SPART: variants seen among roughly 807,000 people sequenced by gnomAD.
The protein encoded by SPART is spastic paraplegia 20 (Troyer syndrome).
SPART carries 35 observed loss-of-function variants against 58.7 expected under a neutral mutation model. That is an observed-to-expected ratio of 0.60 (90% confidence interval 0.46 to 0.79). The LOEUF (loss-of-function observed/expected upper bound fraction) is 0.79, where lower values mean the gene tolerates loss of function less well. SPART is among the 30% of genes least tolerant of loss of function. The probability of loss-of-function intolerance (pLI) is 0.00; values close to 1 mark genes in which losing one functional copy is unlikely to be tolerated. For synonymous variants in SPART, 284 were observed against 280.7 expected (o/e 1.01, Z -0.12); for missense variants, 730 against 786.1 (o/e 0.93, Z 0.85).
chr13:36,321,922 T>C (rs547927407), intron 5 of SPART, among the ~76,000 whole-genome samples: 1 of 152,184 alleles, frequency 6.6e-6, no homozygotes, highest in African/African-American at 2.4e-5. Context: ...AGTGATGACA[T>C]TACCTTGTGA....
At chr13:36,361,450 G>T (rs1351342128) in intron 1 of SPART, among the ~76,000 whole-genome samples, 1 of 152,072 alleles carries the variant, frequency 6.6e-6, no homozygotes, top group Non-Finnish European at 1.5e-5. Context: ...TGTTGCCCAG[G>T]CTGGAGTGCA....
chr13:36,353,983 GCTTT>G (rs905321385), intron 1 of SPART, among the ~76,000 whole-genome samples: 2 of 152,146 alleles, frequency 1.3e-5, no homozygotes, highest in African/African-American at 4.8e-5. Flanking sequence ...GTCAAAGGAT[GCTTT>G]CTTTCTTTCT....
chr13:36,333,427 G>GTT (rs1555262844), intron 2 of SPART, among the ~76,000 whole-genome samples: 2 of 45,542 alleles, frequency 4.4e-5, no homozygotes, highest in African/African-American at 2.1e-4. Flanking sequence ...GATTATTATT[G>GTT]TATTTTTTTT....
At chr13:36,368,175 AC>A (rs1234377109) in intron 1 of SPART, 9 of 460,606 alleles carry the variant, frequency 2.0e-5, no homozygotes, top group South Asian at 1.1e-4. Context: ...TCTTTCATTT[AC>A]TCATTCCTTT....
intron 8 of SPART, among the ~76,000 whole-genome samples, chr13:36,305,494 G>A (rs1216999742): frequency 6.6e-6 from 1 of 152,040 alleles, no homozygotes; most frequent in Non-Finnish European, 1.5e-5. Context: ...TAAACATTGA[G>A]AATAGTACCT....
intron 8 of SPART, chr13:36,308,379 A>C (rs975771683): frequency 6.6e-6 from 1 of 152,188 alleles, no homozygotes; most frequent in Non-Finnish European, 1.5e-5. Context: ...TCATCCTCAT[A>C]GTTAGAAATA....
intron 1 of SPART, among the ~76,000 whole-genome samples, chr13:36,357,497 C>T (rs1359782699): frequency 6.6e-6 from 1 of 152,180 alleles, no homozygotes; most frequent in African/African-American, 2.4e-5. Flanking sequence ...AGAGGAATGT[C>T]CTACGCTGTG....
Position 36,335,784 on chromosome 13 carries a change from A to G in SPART, c.47T>C (p.Ile16Thr), listed in dbSNP as rs982542560. 3.1e-6 allele frequency: 5 copies of G among 1,613,672 alleles called. No homozygotes were observed. Among genetic ancestry groups the G allele is most frequent in the Non-Finnish European group, 4.2e-6 (5 of 1,179,968 alleles). Residue 16 changes from isoleucine to threonine, a missense_variant, in exon 2 of 9, where the codon ATC becomes ACC. Transcript: ENST00000438666. ...QNGEPAEIKI[I>T]REAYKKAFLF... is the part of the protein sequence containing the mutation. ...AAAGGCCTTCTTATATGCTTCTCTG[A>G]TGATCTTAATTTCAGCAGGTTCTCC...
At chr13:36,312,258 G>A (rs765674587) in intron 7 of SPART, 23 bp from the exon 8 acceptor site, 11 of 1,613,468 alleles carry the variant, frequency 6.8e-6, no homozygotes, top group African/African-American at 5.3e-5. Flanking sequence ...TATTTAAAAC[G>A]ATGTAAATCT....
chr13:36,345,167 C>A (rs1884959434), intron 1 of SPART, among the ~76,000 whole-genome samples: 1 of 152,130 alleles, frequency 6.6e-6, no homozygotes, highest in South Asian at 2.1e-4. Flanking sequence ...GCGGAGGGGG[C>A]TTTGTCTAAC....
intron 1 of SPART, among the ~76,000 whole-genome samples, chr13:36,338,794 T>C (rs1422987645): frequency 1.3e-5 from 2 of 152,054 alleles, no homozygotes. Flanking sequence ...AGAAAGGAGA[T>C]TGGAAGTTAT....
intron 1 of SPART, among the ~76,000 whole-genome samples, chr13:36,355,534 A>C (rs1253678145): frequency 6.6e-6 from 1 of 152,238 alleles, no homozygotes; most frequent in Non-Finnish European, 1.5e-5. Flanking sequence ...GGAACAGCAC[A>C]GAAAATGACA....
At chr13:36,365,150 C>T (rs998224251) in intron 1 of SPART, among the ~76,000 whole-genome samples, 3 of 152,156 alleles carry the variant, frequency 2.0e-5, no homozygotes, top group African/African-American at 7.2e-5. Flanking sequence ...CTCCTCCCAT[C>T]TCCTCTACAC....
chr13:36,338,413 G>A (rs1261020702), intron 1 of SPART, among the ~76,000 whole-genome samples: 1 of 152,122 alleles, frequency 6.6e-6, no homozygotes, highest in African/African-American at 2.4e-5. Context: ...AATCAGAGAC[G>A]CAGCTGCACT....
At chr13:36,317,760 A>C (rs2137373492) in intron 5 of SPART, among the ~76,000 whole-genome samples, 1 of 152,170 alleles carries the variant, frequency 6.6e-6, no homozygotes, top group East Asian at 1.9e-4. Context: ...CAAAAACTTA[A>C]AACCTCTTCA....
intron 5 of SPART, among the ~76,000 whole-genome samples, chr13:36,318,789 T>C (rs1368064254): frequency 6.6e-6 from 1 of 152,198 alleles, no homozygotes; most frequent in Non-Finnish European, 1.5e-5. Context: ...CCGTCCCATC[T>C]GTGTGGGACC....
Position 36,335,349 on chromosome 13 carries a change from A to G in SPART, c.482T>C (p.Leu161Ser), listed in dbSNP as rs372503917. ...GAVAAPASLSLPSQSCPAEAP... is the reference protein window; with the variant it reads ...GAVAAPASLSSPSQSCPAEAP... The stretch of plus-strand genomic sequence containing the variant: ...TTCTGCTGGACAACTTTGTGATGGT[A>G]AAGACAGAGAAGCAGGTGCAGCAAC... The change falls in exon 2 of 9, where the codon TTA becomes TCA. Residue 161 changes from leucine (L) to serine (S), a missense_variant. Physicochemically the swap from Leu to Ser is moderately radical, Grantham distance 145 (BLOSUM62 -2). Transcript: ENST00000438666. The G allele has an allele frequency of 1.9e-6, 3 of 1,613,954 alleles. No individual in the cohort carries two copies. Among genetic ancestry groups the G allele is most frequent in the African/African-American group, 2.7e-5 (2 of 74,914 alleles).
In SPART at chr13:36,367,098, G is replaced by T. The variant is rs778078671; in HGVS notation, c.-3+2991C>A. ...GTTAGTGTGGCATCTCCACAGCAGG[G>T]AGCGTTGTAGGAAAAGGTGTCCTTG... is the stretch of plus-strand genomic sequence containing the variant. On this transcript the variant is annotated intron_variant, in intron 1 of 8. Transcript: ENST00000355182. Among the ~76,000 whole-genome samples, 4 of 152,168 alleles carry T rather than the reference G, an allele frequency of 2.6e-5. No individual in the cohort carries two copies. In the South Asian group the frequency reaches 8.3e-4, roughly 32 times the overall value.
At chr13:36,347,842 A>C (rs1246548541), upstream of SPART, among the ~76,000 whole-genome samples, 4 of 152,202 alleles carry the variant, frequency 2.6e-5, no homozygotes, top group South Asian at 6.2e-4. Flanking sequence ...AGCCAGTGGA[A>C]TCTAAATACC....
Sources: gnomAD v4.1 joint callset for allele counts (sites outside exome capture counted in the v4.1 genomes callset) on GRCh38, gnomAD v4.1.1 for gene constraint, MANE v1.5 for transcripts, NCBI Gene and HGNC (gene_info 2026-07-23, HGNC 2026-07-21) for gene names.